GRM7: variants seen among roughly 807,000 people sequenced by gnomAD.
The protein encoded by GRM7 is metabotropic glutamate receptor 7.
GRM7 carries 35 observed loss-of-function variants against 84.5 expected under a neutral mutation model. The ratio of observed to expected loss-of-function variants is 0.41; its 90% CI spans 0.32 to 0.55. GRM7 has a LOEUF of 0.55. GRM7 is among the 20% of genes least tolerant of loss of function. GRM7 has a pLI of 0.19. For missense variants in GRM7, 1,003 were observed against 1,194.6 expected (o/e 0.84, Z 2.36); for synonymous variants, 487 against 455.1 (o/e 1.07, Z -0.89).
At chr3:6,976,274 C>G (rs1486982493) in intron 1 of GRM7, among the ~76,000 whole-genome samples, 1 of 152,150 alleles carries the variant, frequency 6.6e-6, no homozygotes, top group Non-Finnish European at 1.5e-5. Context: ...CAACATTTTA[C>G]TAGATGTTGT....
At chr3:7,637,212 T>C (rs1356844719) in intron 8 of GRM7, among the ~76,000 whole-genome samples, 1 of 152,196 alleles carries the variant, frequency 6.6e-6, no homozygotes, top group African/African-American at 2.4e-5. Context: ...GGCACAATCA[T>C]AGCTCACTAT....
intron 4 of GRM7, among the ~76,000 whole-genome samples, chr3:7,333,900 A>C (rs935638360): frequency 2.6e-5 from 4 of 152,054 alleles, no homozygotes; most frequent in Non-Finnish European, 5.9e-5. Context: ...GAATTAAGCC[A>C]ATCAGACAAA....
At chr3:7,470,298 A>G (rs1033702039) in intron 7 of GRM7, among the ~76,000 whole-genome samples, 1 of 152,230 alleles carries the variant, frequency 6.6e-6, no homozygotes, top group Admixed American at 6.5e-5. Flanking sequence ...AATACCGTTA[A>G]TATCCCAAAA....
intron 1 of GRM7, among the ~76,000 whole-genome samples, chr3:7,066,418 A>C (rs1407028365): frequency 6.6e-6 from 1 of 151,928 alleles, no homozygotes; most frequent in Non-Finnish European, 1.5e-5. Flanking sequence ...AAACTAGAAA[A>C]CCTAGAGGAG....
At chr3:7,361,487 G>A (rs1190778654) in intron 4 of GRM7, among the ~76,000 whole-genome samples, 1 of 151,982 alleles carries the variant, frequency 6.6e-6, no homozygotes, top group Non-Finnish European at 1.5e-5. Context: ...TGGCATAACT[G>A]TTTGCTTTTC....
chr3:7,306,858 T>G lies in GRM7; in HGVS notation c.1033+206T>G, dbSNP rs148591176. Reference sequence around the variant, plus strand: ...CTCTTTTGAGGAGATCATATTATTTTCATAATATCACGATTAGCAAAAACA... The same window carrying G: ...CTCTTTTGAGGAGATCATATTATTTGCATAATATCACGATTAGCAAAAACA... On this transcript the variant is annotated intron_variant, in intron 4 of 9. Transcript: ENST00000357716. Among the ~76,000 whole-genome samples, 727 of 152,272 alleles carry G rather than the reference T, an allele frequency of 4.8e-3. 6 individuals carry two copies. Among genetic ancestry groups the G allele is most frequent in the African/African-American group, 0.017 (701 of 41,556 alleles).
chr3:7,473,924 G>T (rs1344244933), intron 7 of GRM7, among the ~76,000 whole-genome samples: 3 of 152,152 alleles, frequency 2.0e-5, no homozygotes, highest in African/African-American at 7.2e-5. Flanking sequence ...AATCCTGTTA[G>T]TGCAGACAGT....
intron 1 of GRM7, among the ~76,000 whole-genome samples, chr3:7,106,551 G>T (rs1264935802): frequency 6.6e-6 from 1 of 151,966 alleles, no homozygotes; most frequent in Admixed American, 6.6e-5. Context: ...CAAGAATGGG[G>T]CAGCAATCAA....
intron 9 of GRM7, among the ~76,000 whole-genome samples, chr3:7,692,464 A>C (rs1263739517): frequency 3.3e-5 from 5 of 152,198 alleles, no homozygotes; most frequent in African/African-American, 1.2e-4. Flanking sequence ...ATCTTCCTTG[A>C]TACTTGGAAG....
chr3:7,330,669 T>C (rs552040406), intron 4 of GRM7, among the ~76,000 whole-genome samples: 1 of 152,214 alleles, frequency 6.6e-6, no homozygotes, highest in Admixed American at 6.5e-5. Flanking sequence ...CCTGCCGCCA[T>C]GTAAGACATG....
chr3:6,993,878 A>G (rs1195528065), intron 1 of GRM7, among the ~76,000 whole-genome samples: 2 of 152,184 alleles, frequency 1.3e-5, no homozygotes, highest in Non-Finnish European at 2.9e-5. Flanking sequence ...CTGAGGGAAG[A>G]AGGGATGAAT....
rs539324004 is a variant in GRM7, at chr3:7,655,958, A to G, written c.2452-24091A>G. Among the ~76,000 whole-genome samples the G allele has an allele frequency of 2.8e-4, 42 of 152,324 alleles. 1 individual carries two copies. The South Asian group carries it at 8.7e-3, about 32-fold the overall frequency. On this transcript the variant is annotated intron_variant, in intron 8 of 9. Coordinates refer to ENST00000357716, the MANE Select transcript of GRM7 (RefSeq NM_000844.4). ...ACTTACATGCTATGTGATCATATTC[A>G]CATAATACAAAGAACCTCAGCATCC...
intron 4 of GRM7, among the ~76,000 whole-genome samples, chr3:7,410,100 G>A (rs1463147532): frequency 2.0e-4 from 30 of 152,138 alleles, no homozygotes; most frequent in Admixed American, 2.0e-3. Context: ...CTAGGTTAAA[G>A]GCAGTCGGGT....
intron 5 of GRM7, among the ~76,000 whole-genome samples, chr3:7,427,541 A>G (rs144807911): frequency 1.1e-4 from 17 of 152,304 alleles, no homozygotes; most frequent in African/African-American, 4.1e-4. Flanking sequence ...AAAAATTTTT[A>G]TATTTTTGGA....
chr3:7,054,095 A>C (rs900488542), intron 1 of GRM7, among the ~76,000 whole-genome samples: 1 of 150,602 alleles, frequency 6.6e-6, no homozygotes, highest in Non-Finnish European at 1.5e-5. Context: ...TTTTCATTTT[A>C]ATTTTCAATT....
rs139880683 is a variant in GRM7 at position 7,184,894 on chromosome 3, A to C, written c.736+38226A>C. 3.0e-3 allele frequency among the ~76,000 whole-genome samples: 462 copies of C among 152,346 alleles called. 4 individuals are homozygous for C. Among genetic ancestry groups the C allele is most frequent in the East Asian group, 0.016 (85 of 5,192 alleles). ...CTATGCTCACCTAATTGCCAGTAAT[A>C]GTAATAATGATCAGAAGAAAAAGAA... is the stretch of plus-strand genomic sequence containing the variant. On this transcript the variant is annotated intron_variant, in intron 2 of 9. Coordinates refer to ENST00000357716, the MANE Select transcript of GRM7 (RefSeq NM_000844.4).
intron 1 of GRM7, among the ~76,000 whole-genome samples, chr3:7,106,399 TCCC>T (rs1383254482): frequency 1.3e-5 from 2 of 151,480 alleles, no homozygotes; most frequent in Non-Finnish European, 2.9e-5. Flanking sequence ...CATGTTCCAG[TCCC>T]CCCTATATTG....
At chr3:7,449,177 T>C (rs1298050845) in intron 5 of GRM7, among the ~76,000 whole-genome samples, 1 of 152,034 alleles carries the variant, frequency 6.6e-6, no homozygotes, top group Non-Finnish European at 1.5e-5. Context: ...AAAAAATAGC[T>C]TTTATATATA....
intron 5 of GRM7, among the ~76,000 whole-genome samples, chr3:7,427,253 G>T (rs1229997762): frequency 3.3e-5 from 5 of 152,134 alleles, no homozygotes; most frequent in Admixed American, 2.0e-4. Flanking sequence ...GAATTGACAG[G>T]AATAGAGAAC....
Sources: allele counts gnomAD v4.1 joint callset (sites outside exome capture counted in the v4.1 genomes callset), GRCh38; gene constraint gnomAD v4.1.1; transcripts MANE v1.5; gene names NCBI Gene and HGNC (gene_info 2026-07-23, HGNC 2026-07-21).